The following SLC25A21 variants were observed in gnomAD, a reference collection of about 807,000 sequenced individuals.
The protein encoded by SLC25A21 is mitochondrial 2-oxodicarboxylate carrier.
A neutral mutation model predicts 43.8 loss-of-function variants in SLC25A21; 47 were observed. That is an observed-to-expected ratio of 1.07 (90% CI 0.85 to 1.37). SLC25A21 has a LOEUF of 1.37. Ranked by LOEUF, SLC25A21 falls within the 40% of genes most tolerant of loss-of-function variation. The probability of loss-of-function intolerance (pLI) is 0.00; values close to 1 mark genes in which losing one functional copy is unlikely to be tolerated. For synonymous variants in SLC25A21, 131 were observed against 121.3 expected (o/e 1.08, Z -0.52); for missense variants, 352 against 350.2 (o/e 1.00, Z -0.04).
intron 1 of SLC25A21, among the ~76,000 whole-genome samples, chr14:36,981,831 G>A (rs1300116753): frequency 2.0e-5 from 3 of 151,986 alleles, no homozygotes; most frequent in African/African-American, 4.8e-5. Flanking sequence ...AGAACTTAAA[G>A]TATAATAATA....
chr14:37,159,263 TAGAC>T (rs1963900360), intron 1 of SLC25A21, among the ~76,000 whole-genome samples: 1 of 147,888 alleles, frequency 6.8e-6, no homozygotes. Context: ...AGAGGCAAAA[TAGAC>T]AAAGCAATCC....
chr14:36,818,361 T>A (rs1472787752), intron 2 of SLC25A21, among the ~76,000 whole-genome samples: 3 of 152,230 alleles, frequency 2.0e-5, no homozygotes, highest in Non-Finnish European at 4.4e-5. Flanking sequence ...AGGAGCTGAC[T>A]GTCTGATGAG....
chr14:36,974,325 T>A (rs1380200212), intron 1 of SLC25A21, among the ~76,000 whole-genome samples: 1 of 152,222 alleles, frequency 6.6e-6, no homozygotes, highest in East Asian at 1.9e-4. Context: ...CTCTTAAATA[T>A]CCTCTCTACT....
chr14:36,703,261 G>A (rs1379133402), intron 7 of SLC25A21, among the ~76,000 whole-genome samples: 1 of 152,138 alleles, frequency 6.6e-6, no homozygotes, highest in East Asian at 1.9e-4. Context: ...ACCCAAAGGT[G>A]CATTTTTCAT....
chr14:36,816,291 A>G (rs1339924576), intron 2 of SLC25A21, among the ~76,000 whole-genome samples: 1 of 152,162 alleles, frequency 6.6e-6, no homozygotes, highest in Non-Finnish European at 1.5e-5. Context: ...AAAAATCTCT[A>G]AATGAGTATC....
intron 3 of SLC25A21, among the ~76,000 whole-genome samples, chr14:36,789,698 T>TATATATTGTATATATTTATATATA (rs1887376905): frequency 8.5e-6 from 1 of 117,884 alleles, no homozygotes; most frequent in Non-Finnish European, 1.7e-5. Flanking sequence ...CACACACACA[T>TATATATTGTATATATTTATATATA]ATATATTTTA....
At chr14:36,766,511 C>T (rs1424100694) in intron 3 of SLC25A21, among the ~76,000 whole-genome samples, 1 of 152,166 alleles carries the variant, frequency 6.6e-6, no homozygotes, top group African/African-American at 2.4e-5. Flanking sequence ...TGGCCACTCT[C>T]ATGCTGGGTC....
At chr14:37,153,935 C>T (rs1013729132) in intron 1 of SLC25A21, among the ~76,000 whole-genome samples, 2 of 152,174 alleles carry the variant, frequency 1.3e-5, no homozygotes, top group Admixed American at 1.3e-4. Context: ...CCACTCAGGA[C>T]CCAGAGAATC....
At position 37,040,224 on chromosome 14, in the gene SLC25A21, GAAAA is replaced by G. The variant is rs1252983526; in HGVS notation, c.70+132053_70+132056del. Among the ~76,000 whole-genome samples the G allele has an allele frequency of 8.1e-3, 619 of 76,062 alleles. 115 individuals are homozygous for G. The highest frequency in any genetic ancestry group is 0.038 in the African/African-American group (332 of 8,654). 49.9% of individuals were successfully genotyped at this position (76,062 alleles called of 152,430 possible). On this transcript the variant is annotated intron_variant, in intron 1 of 9. Transcript: ENST00000331299. ...AGAAAGAAAAAAAGAAAAAGAAAAA[GAAAA>G]AGAAAGGGAGGAAGGGAGGAAGGGA...
intron 2 of SLC25A21, among the ~76,000 whole-genome samples, chr14:36,864,044 C>T (rs1341382518): frequency 3.3e-5 from 5 of 152,196 alleles, no homozygotes; most frequent in African/African-American, 1.2e-4. Flanking sequence ...GGGTCATGGC[C>T]TATCATCCTC....
At chr14:36,839,940 C>T (rs1040349476) in intron 2 of SLC25A21, among the ~76,000 whole-genome samples, 4 of 152,126 alleles carry the variant, frequency 2.6e-5, no homozygotes, top group Admixed American at 2.0e-4. Flanking sequence ...CTCATGGGAC[C>T]ACCATTGTAT....
intron 1 of SLC25A21, among the ~76,000 whole-genome samples, chr14:37,105,215 G>A (rs1962888757): frequency 6.6e-6 from 1 of 152,166 alleles, no homozygotes. Flanking sequence ...AAGTAATAAT[G>A]CCAATGATAC....
Position 37,010,816 on chromosome 14 carries a change from A to T in SLC25A21, c.71-135812T>A, listed in dbSNP as rs1003979948. ...CTGGAGTGCAGTGGTGTAATGAGAG[A>T]TCAGTGCAGCCTTGAACTCCTGGGC... On this transcript the variant is annotated intron_variant, in intron 1 of 9. Coordinates refer to ENST00000331299, the MANE Select transcript of SLC25A21 (RefSeq NM_030631.4). 9.2e-5 allele frequency among the ~76,000 whole-genome samples: 14 copies of T among 151,982 alleles called. No individual in the cohort carries two copies. In the East Asian group the frequency reaches 1.9e-3, roughly 21 times the overall value.
rs180748365 is a variant in SLC25A21 at position 36,932,575 on chromosome 14, C to T, written c.71-57571G>A. ...GTGAAACAAAATTAAATGAGACATG[C>T]TCCATTTTGTTGCATTTCTTAACTG... On this transcript the variant is annotated intron_variant, in intron 1 of 9. Coordinates refer to ENST00000331299, the MANE Select transcript of SLC25A21 (RefSeq NM_030631.4). 1.5e-3 allele frequency among the ~76,000 whole-genome samples: 221 copies of T among 152,096 alleles called. 1 individual carries two copies. Among genetic ancestry groups the T allele is most frequent in the African/African-American group, 5.0e-3 (207 of 41,500 alleles).
chr14:36,842,126 C>T (rs1459666140), intron 2 of SLC25A21, among the ~76,000 whole-genome samples: 1 of 152,134 alleles, frequency 6.6e-6, no homozygotes, highest in Non-Finnish European at 1.5e-5. Flanking sequence ...ATGTATTCCC[C>T]CAGCCCAGCA....
intron 1 of SLC25A21, among the ~76,000 whole-genome samples, chr14:36,925,448 C>A (rs989426940): frequency 1.1e-4 from 16 of 152,076 alleles, no homozygotes; most frequent in Non-Finnish European, 2.2e-4. Context: ...CAGACAATGT[C>A]AACTTCAGAA....
At chr14:36,807,691 A>G (rs561380546) in intron 3 of SLC25A21, among the ~76,000 whole-genome samples, 1 of 152,332 alleles carries the variant, frequency 6.6e-6, no homozygotes, top group Non-Finnish European at 1.5e-5. Flanking sequence ...ACCCACTAAG[A>G]CACTGAATTG....
At chr14:37,171,148 G>A (rs1383671572) in intron 1 of SLC25A21, among the ~76,000 whole-genome samples, 3 of 143,242 alleles carry the variant, frequency 2.1e-5, no homozygotes, top group Non-Finnish European at 4.6e-5. Flanking sequence ...GGGGTGGGGA[G>A]GGGAGGGGAA....
chr14:36,679,024 A>G lies in SLC25A21; in HGVS notation c.*1634T>C, dbSNP rs902178122. 1.8e-5 allele frequency: 18 copies of G among 985,190 alleles called. No homozygotes were observed. Among genetic ancestry groups the G allele is most frequent in the Non-Finnish European group, 2.2e-5 (18 of 829,916 alleles). The allele number at this position is 985,190 out of a possible 1,614,324, so 61.0% of individuals were successfully genotyped here. A position where few individuals can be genotyped will look rare whatever the true frequency, so the allele number is the denominator to read the frequency against. ...GTAAAAGTGTTGCTTTTAAACTGGC[A>G]AATGCACTCTTCAGAAATCCTTTTC... On this transcript the variant is annotated 3_prime_UTR_variant, in exon 10 of 10. Coordinates refer to ENST00000331299, the MANE Select transcript of SLC25A21 (RefSeq NM_030631.4).
Sources: allele counts gnomAD v4.1 joint callset (sites outside exome capture counted in the v4.1 genomes callset), GRCh38; gene constraint gnomAD v4.1.1; transcripts MANE v1.5; gene names NCBI Gene and HGNC (gene_info 2026-07-23, HGNC 2026-07-21).